DMD: variants seen among roughly 807,000 people sequenced by gnomAD.
DMD encodes the protein mutant dystrophin.
Under a neutral mutation model 330.1 loss-of-function variants are expected in DMD, and 63 were observed. The ratio of observed to expected loss-of-function variants is 0.19; its 90% CI spans 0.16 to 0.24. DMD has a LOEUF of 0.24. Ranked by LOEUF, DMD falls within the 10% of genes least tolerant of loss-of-function variation. The pLI is 1.00. For missense variants in DMD, 3,344 were observed against 2,684.1 expected, an observed-to-expected ratio of 1.25 and a Z score of -5.43; for synonymous variants, 1,223 against 959.8, an observed-to-expected ratio of 1.27 and a Z score of -5.07.
chrX:33,170,958 C>CT (rs1223841135), intron 1 of DMD, among the ~76,000 whole-genome samples: 1 of 111,663 alleles, frequency 9.0e-6, no homozygotes, highest in Non-Finnish European at 1.9e-5. Context: ...TATTTTGAAA[C>CT]TTTGTCAAAA....
intron 47 of DMD, among the ~76,000 whole-genome samples, chrX:31,912,759 T>G (rs187390546): frequency 2.0e-4 from 22 of 111,686 alleles, no homozygotes; most frequent in African/African-American, 6.5e-4. Flanking sequence ...TAGTAAGGAA[T>G]TTGTGGAAGG....
chrX:32,026,335 T>C (rs1157029642), intron 44 of DMD, among the ~76,000 whole-genome samples: 4 of 112,398 alleles, frequency 3.6e-5, no homozygotes, highest in African/African-American at 1.3e-4. Context: ...TAATGCTTTA[T>C]TAGCTTATTT....
intron 43 of DMD, among the ~76,000 whole-genome samples, chrX:32,286,685 T>C (rs1483774688): frequency 1.8e-5 from 2 of 111,843 alleles, no homozygotes; most frequent in Non-Finnish European, 3.8e-5. Context: ...AGATTAATGC[T>C]AGAAATCTCT....
intron 24 of DMD, among the ~76,000 whole-genome samples, chrX:32,463,894 T>C (rs2098392273): frequency 8.9e-6 from 1 of 112,059 alleles, no homozygotes; most frequent in Non-Finnish European, 1.9e-5. Flanking sequence ...ATGGGCTTCA[T>C]ACTTTATTAT....
intron 67 of DMD, among the ~76,000 whole-genome samples, chrX:31,190,141 T>C (rs368145669): frequency 8.9e-6 from 1 of 111,938 alleles, no homozygotes; most frequent in African/African-American, 3.2e-5. Context: ...ATGTTTGGAG[T>C]GTCGACCAAA....
intron 60 of DMD, among the ~76,000 whole-genome samples, chrX:31,413,906 A>T: frequency 9.0e-6 from 1 of 111,310 alleles, no homozygotes; most frequent in Non-Finnish European, 1.9e-5. Flanking sequence ...TGAAAACTTT[A>T]CAACATGACT....
chrX:32,795,219 C>A (rs1019226440), intron 7 of DMD, among the ~76,000 whole-genome samples: 1 of 112,024 alleles, frequency 8.9e-6, no homozygotes, highest in African/African-American at 3.2e-5. Context: ...AGAACAAAGA[C>A]TTATGAATCA....
chrX:32,894,701 T>C, intron 2 of DMD, among the ~76,000 whole-genome samples: 1 of 112,219 alleles, frequency 8.9e-6, no homozygotes, highest in Non-Finnish European at 1.9e-5. Flanking sequence ...GGAAAACACA[T>C]TCAGGTGTGT....
At position 32,595,787 on chromosome X, in the gene DMD, G is replaced by T. The variant is rs779611516; in HGVS notation, c.1572C>A (p.His524Gln). 5 of 1,209,788 alleles carry T rather than the reference G, an allele frequency of 4.1e-6. No individual in the cohort carries two copies. The highest frequency in any genetic ancestry group is 5.6e-6 in the Non-Finnish European group (5 of 893,839). Residue 524 changes from histidine to glutamine, a missense_variant, in exon 13 of 79, where the codon CAC (histidine) becomes CAA (glutamine). Physicochemically the swap from His to Gln is conservative, Grantham distance 24 (BLOSUM62 0). Coordinates refer to ENST00000357033, the MANE Select transcript of DMD (RefSeq NM_004006.3). ...GTTGTTCTTCCAAAGCAGCAGTTGC[G>T]TGATCTCCACTAGATTCATCAACTA... ...VVVVDESSGDHATAALEEQLK... is the reference protein window; with the variant it reads ...VVVVDESSGDQATAALEEQLK...
intron 7 of DMD, among the ~76,000 whole-genome samples, chrX:32,763,339 A>T (rs2072564289): frequency 8.9e-6 from 1 of 112,082 alleles, no homozygotes; most frequent in African/African-American, 3.2e-5. Context: ...AAAGAGTGCA[A>T]AAATATTTAT....
chrX:32,218,141 T>C (rs759510922), intron 43 of DMD, among the ~76,000 whole-genome samples: 4 of 111,738 alleles, frequency 3.6e-5, no homozygotes, highest in African/African-American at 1.3e-4. Flanking sequence ...CTAAGACAGT[T>C]GCACATAAGA....
At chrX:31,201,362 G>A (rs1489752778) in intron 67 of DMD, among the ~76,000 whole-genome samples, 2 of 112,424 alleles carry the variant, frequency 1.8e-5, no homozygotes, top group African/African-American at 6.5e-5. Context: ...GACGAAGTTA[G>A]ACCCCTTCTG....
chrX:31,639,827 A>G (rs1034062158), intron 54 of DMD, among the ~76,000 whole-genome samples: 8 of 111,835 alleles, frequency 7.2e-5, no homozygotes, highest in African/African-American at 2.6e-4. Flanking sequence ...ATCGTAAAGA[A>G]GGTATTACAA....
At chrX:31,898,145 C>G (rs1312018425) in intron 47 of DMD, among the ~76,000 whole-genome samples, 1 of 110,356 alleles carries the variant, frequency 9.1e-6, no homozygotes, top group Non-Finnish European at 1.9e-5. Flanking sequence ...AAGAACATTC[C>G]ATGCTCATGG....
intron 2 of DMD, among the ~76,000 whole-genome samples, chrX:32,920,839 AC>A (rs1033580691): frequency 6.2e-5 from 7 of 112,427 alleles, no homozygotes; most frequent in Middle Eastern, 4.2e-3. Context: ...GAAGAAATAA[AC>A]AAGATGTTCA....
At chrX:31,697,094 T>C (rs2148844225) in intron 52 of DMD, among the ~76,000 whole-genome samples, 1 of 112,243 alleles carries the variant, frequency 8.9e-6, no homozygotes, top group South Asian at 3.7e-4. Flanking sequence ...ATCAGTGTGG[T>C]AGTCTGACAT....
At chrX:32,685,768 TA>T (rs1365214984) in intron 9 of DMD, among the ~76,000 whole-genome samples, 2 of 111,870 alleles carry the variant, frequency 1.8e-5, no homozygotes, top group African/African-American at 6.5e-5. Flanking sequence ...AGGAGTTTCA[TA>T]ACGATACCAT....
intron 66 of DMD, among the ~76,000 whole-genome samples, chrX:31,205,295 CT>C (rs1406594840): frequency 8.9e-6 from 1 of 112,120 alleles, no homozygotes; most frequent in Non-Finnish European, 1.9e-5. Flanking sequence ...TAAGATGGCA[CT>C]AAAAATTGAG....
intron 7 of DMD, among the ~76,000 whole-genome samples, chrX:32,787,435 G>C (rs1192259519): frequency 9.0e-6 from 1 of 110,498 alleles, no homozygotes; most frequent in African/African-American, 3.3e-5. Flanking sequence ...GAGTGGGAAG[G>C]TCACAGGAAG....
Sources: allele counts gnomAD v4.1 joint callset (sites outside exome capture counted in the v4.1 genomes callset), GRCh38; gene constraint gnomAD v4.1.1; transcripts MANE v1.5; gene names NCBI Gene and HGNC (gene_info 2026-07-23, HGNC 2026-07-21).